The following MED17 variants were observed in gnomAD, a reference collection of about 807,000 sequenced individuals.
The protein encoded by MED17 is mediator complex subunit 17.
A neutral mutation model predicts 80.8 loss-of-function variants in MED17; 49 were observed. The observed-to-expected ratio is 0.61, with a 90% confidence interval of 0.48 to 0.77. The LOEUF (loss-of-function observed/expected upper bound fraction) is 0.77, where lower values mean the gene tolerates loss of function less well. MED17 is among the 30% of genes least tolerant of loss of function. The pLI is 0.00. For synonymous variants in MED17, 281 were observed against 280.4 expected (o/e 1.00, Z -0.02); for missense variants, 718 against 787.0 (o/e 0.91, Z 1.05).
rs1321416674 is a variant in MED17 at position 93,813,945 on chromosome 11, C to T, written c.*1881C>T. 1 of 152,176 alleles carries T rather than the reference C, an allele frequency of 6.6e-6. No individual in the cohort carries two copies. The highest frequency in any genetic ancestry group is 1.5e-5 in the Non-Finnish European group (1 of 68,062). 9.4% of individuals were successfully genotyped at this position (152,176 alleles called of 1,614,324 possible). On this transcript the variant is annotated 3_prime_UTR_variant, in exon 12 of 12. Coordinates refer to ENST00000251871, the MANE Select transcript of MED17 (RefSeq NM_004268.5). ...GGCCAGGCTGGTCTTGAACTCCTGG[C>T]CTCAATTGATCCGCCCACCTCGGCC...
At chr11:93,808,574 C>G (rs1217132949) in intron 10 of MED17, 1 of 142,510 alleles carries the variant, frequency 7.0e-6, no homozygotes, top group Admixed American at 7.0e-5. Flanking sequence ...ATGCAAGATA[C>G]TATTTTTTTT....
rs1320934628 is a variant in MED17, at chr11:93,804,072, T to TTTATTAAGTA, written c.1466+2104_1466+2113dup. On this transcript the variant is annotated intron_variant, in intron 9 of 11. Coordinates refer to ENST00000251871, the MANE Select transcript of MED17 (RefSeq NM_004268.5). Reference sequence around the variant, plus strand: ...GCACACACACACACATAAAGGGGAGTTTATTAAGTATTAACTCACAGGATC... The same window carrying TTTATTAAGTA: ...GCACACACACACACATAAAGGGGAGTTTATTAAGTATTATTAAGTATTAACTCACAGGATC... Among the ~76,000 whole-genome samples, 26 of 144,354 alleles carry TTTATTAAGTA rather than the reference T, an allele frequency of 1.8e-4. 1 individual carries two copies. The highest frequency in any genetic ancestry group is 6.8e-4 in the African/African-American group (26 of 38,018). The allele number at this position is 144,354 out of a possible 152,430, so 94.7% of individuals were successfully genotyped here.
At chr11:93,798,666 A>G (rs962494806) in intron 8 of MED17, among the ~76,000 whole-genome samples, 1 of 152,200 alleles carries the variant, frequency 6.6e-6, no homozygotes, top group Non-Finnish European at 1.5e-5. Context: ...ACCACTTGCT[A>G]AATAACTTCG....
chr11:93,814,116 C>T lies in MED17; in HGVS notation c.*2052C>T, dbSNP rs1944111012. Reference sequence around the variant, plus strand: ...CAGGACCACACCTTGAGTAGAATGGCTGAGAATACATGTGCAGATACTACC... The same window carrying T: ...CAGGACCACACCTTGAGTAGAATGGTTGAGAATACATGTGCAGATACTACC... On this transcript the variant is annotated 3_prime_UTR_variant, in exon 12 of 12. Coordinates refer to ENST00000251871, the MANE Select transcript of MED17 (RefSeq NM_004268.5). 1 of 152,162 alleles carries T rather than the reference C, an allele frequency of 6.6e-6. No homozygotes were observed. Among genetic ancestry groups the T allele is most frequent in the African/African-American group, 2.4e-5 (1 of 41,436 alleles). 9.4% of individuals were successfully genotyped at this position (152,162 alleles called of 1,614,324 possible). A position where few individuals can be genotyped will look rare whatever the true frequency, so the allele number is the denominator to read the frequency against.
rs1943884975 is a variant in MED17 at position 93,795,016 on chromosome 11, C to G, written c.968C>G (p.Pro323Arg). 6.2e-7 allele frequency: 1 copy of G among 1,614,160 alleles called. No homozygotes were observed. The highest frequency in any genetic ancestry group is 1.3e-5 in the African/African-American group (1 of 75,046). The change falls in exon 6 of 12, where the codon CCT becomes CGT. Residue 323 changes from proline (P) to arginine (R), a missense_variant. Transcript: ENST00000251871. The stretch of plus-strand genomic sequence containing the variant: ...GCTGTTCAAATTAAATCACAAGTCC[C>G]TCACATTGTGGTGAAAAACCAGATT... ...REAVQIKSQV[P>R]HIVVKNQIIS...
chr11:93,813,230 A>G lies in MED17; in HGVS notation c.*1166A>G, dbSNP rs556008227. The G allele has an allele frequency of 6.6e-6, 1 of 152,288 alleles. No homozygotes were observed. The highest frequency in any genetic ancestry group is 1.5e-5 in the Non-Finnish European group (1 of 68,020). 9.4% of individuals were successfully genotyped at this position (152,288 alleles called of 1,614,324 possible). A position where few individuals can be genotyped will look rare whatever the true frequency, so the allele number is the denominator to read the frequency against. ...GTAAGGCTTTCAATTTTTAAAACAG[A>G]CATCCTGCTTTAACAATTTGTAAGA... On this transcript the variant is annotated 3_prime_UTR_variant, in exon 12 of 12. Coordinates refer to ENST00000251871, the MANE Select transcript of MED17 (RefSeq NM_004268.5).
At chr11:93,793,701 A>G (rs750010627) in intron 3 of MED17, 27 bp from the exon 4 acceptor site, 66 of 1,463,016 alleles carry the variant, frequency 4.5e-5, no homozygotes, top group Admixed American at 6.7e-5. Flanking sequence ...ACTGTTTTAT[A>G]TTTTCCTATT....
chr11:93,793,114 C>CTGTTTTTTTTTTT (rs1943856512), intron 3 of MED17: 1 of 52,154 alleles, frequency 1.9e-5, no homozygotes, highest in African/African-American at 6.1e-5. Context: ...GAGTACACCT[C>CTGTTTTTTTTTTT]TTTTTTTTTT....
At chr11:93,787,942 T>A in intron 1 of MED17, 59 bp from the exon 2 acceptor site, 1 of 1,388,708 alleles carries the variant, frequency 7.2e-7, no homozygotes, top group Non-Finnish European at 1.0e-6. Context: ...AAGTGAGCTG[T>A]CTGCCATTCA....
chr11:93,786,033 T>C (rs1289073638), intron 1 of MED17, among the ~76,000 whole-genome samples: 3 of 152,070 alleles, frequency 2.0e-5, no homozygotes, highest in Admixed American at 2.0e-4. Flanking sequence ...CCTACCTACC[T>C]TACAAAGTAT....
chr11:93,792,713 G>A (rs1409319560), intron 3 of MED17, among the ~76,000 whole-genome samples: 6 of 152,086 alleles, frequency 3.9e-5, no homozygotes, highest in African/African-American at 9.7e-5. Flanking sequence ...AGGCCAAGGT[G>A]GGAGGATTGC....
At chr11:93,804,887 A>G (rs1041843777) in intron 9 of MED17, among the ~76,000 whole-genome samples, 3 of 152,234 alleles carry the variant, frequency 2.0e-5, no homozygotes, top group African/African-American at 7.2e-5. Context: ...AGGCTTAATG[A>G]TCAGAATACA....
rs758822584 is a variant in MED17, at chr11:93,796,440, C to G, written c.1043C>G (p.Ser348Cys). The change falls in exon 7 of 12, where the codon TCC (serine) becomes TGC (cysteine). Residue 348 changes from serine to cysteine, a missense_variant. Physicochemically the swap from Ser to Cys is moderately radical, Grantham distance 112 (BLOSUM62 -1). Transcript: ENST00000251871. ...CAGTTATCTATTTCTTTGTGCCATT[C>G]CTCAAATGATAAGAAATCCCAAAAA... ...SLQLSISLCH[S>C]SNDKKSQKFA... 6.2e-7 allele frequency: 1 copy of G among 1,612,872 alleles called. No homozygotes were observed. Among genetic ancestry groups the G allele is most frequent in the Admixed American group, 1.7e-5 (1 of 59,990 alleles).
Position 93,794,022 on chromosome 11 carries a change from C to A in MED17, c.846C>A (p.Pro282=). The stretch of plus-strand genomic sequence containing the variant: ...TTAACCTCTTCAAACGACCTTTGCC[C>A]AAATCCAAACCAGGTATGGTTATGT... ...GTVNLFKRPL[P]KSKPGSPHWQ... Residue 282 remains proline (P), a synonymous_variant, in exon 5 of 12, where the codon CCC becomes CCA. Transcript: ENST00000251871. 6.2e-7 allele frequency: 1 copy of A among 1,613,048 alleles called. No homozygotes were observed. The highest frequency in any genetic ancestry group is 8.5e-7 in the Non-Finnish European group (1 of 1,179,188).
rs1167581062 is a variant in MED17, at chr11:93,813,180, T to G, written c.*1116T>G. The G allele has an allele frequency of 6.6e-6, 1 of 152,214 alleles. No individual in the cohort carries two copies. The highest frequency in any genetic ancestry group is 2.4e-5 in the African/African-American group (1 of 41,446). 9.4% of individuals were successfully genotyped at this position (152,214 alleles called of 1,614,324 possible). A position where few individuals can be genotyped will look rare whatever the true frequency, so the allele number is the denominator to read the frequency against. On this transcript the variant is annotated 3_prime_UTR_variant, in exon 12 of 12. Transcript: ENST00000251871. ...CCTTTTGGTAACACTGAAAGTAGTATCATATAGGCAAGCTCTCCTTATAAG... is the reference window on the plus strand; with the variant it reads ...CCTTTTGGTAACACTGAAAGTAGTAGCATATAGGCAAGCTCTCCTTATAAG...
intron 6 of MED17, 83 bp downstream of exon 6, chr11:93,795,143 A>G (rs1943886784): frequency 4.8e-6 from 7 of 1,443,860 alleles, no homozygotes; most frequent in Non-Finnish European, 6.8e-6. Context: ...CTTAGGGTGT[A>G]TTGGGAGAAT....
At chr11:93,794,179 T>A in intron 5 of MED17, 144 bp downstream of exon 5, 2 of 610,698 alleles carry the variant, frequency 3.3e-6, no homozygotes, top group Non-Finnish European at 5.7e-6. Context: ...ATCAATAAAC[T>A]ATTAGTGAAT....
chr11:93,790,864 T>C (rs1591383375), intron 3 of MED17, 71 bp downstream of exon 3: 4 of 1,356,822 alleles, frequency 2.9e-6, no homozygotes, highest in Non-Finnish European at 4.2e-6. Context: ...CCTAGCACTT[T>C]GGAAGGCCAA....
chr11:93,804,297 T>G (rs768869053), intron 9 of MED17, among the ~76,000 whole-genome samples: 4 of 152,116 alleles, frequency 2.6e-5, no homozygotes, highest in Non-Finnish European at 5.9e-5. Flanking sequence ...GGCAGCTGAT[T>G]AGATGGTGCC....
Sources: allele counts gnomAD v4.1 joint callset (sites outside exome capture counted in the v4.1 genomes callset), GRCh38; gene constraint gnomAD v4.1.1; transcripts MANE v1.5; gene names NCBI Gene and HGNC (gene_info 2026-07-23, HGNC 2026-07-21).